GALNT9: variants seen among roughly 807,000 people sequenced by gnomAD.
The protein encoded by GALNT9 is GalNAc transferase 9.
A neutral mutation model predicts 63.1 loss-of-function variants in GALNT9; 47 were observed. The ratio of observed to expected loss-of-function variants is 0.75; its 90% CI spans 0.59 to 0.95. The LOEUF (loss-of-function observed/expected upper bound fraction) is 0.95, where lower values mean the gene tolerates loss of function less well. Ranked by LOEUF, GALNT9 falls within the 40% of genes least tolerant of loss-of-function variation. The pLI, the probability that GALNT9 is intolerant of heterozygous loss-of-function variation, is 0.00. For missense variants in GALNT9, 829 were observed against 874.8 expected, an observed-to-expected ratio of 0.95 and a Z score of 0.66; for synonymous variants, 396 against 365.7, an observed-to-expected ratio of 1.08 and a Z score of -0.94.
chr12:132,243,908 A>G (rs1555237767), intron 6 of GALNT9, among the ~76,000 whole-genome samples: 1 of 152,078 alleles, frequency 6.6e-6, no homozygotes, highest in Non-Finnish European at 1.5e-5. Context: ...ATTTTTTGGA[A>G]GAGTCCCGTG....
intron 6 of GALNT9, 183 bp downstream of exon 6, chr12:132,247,727 C>A: frequency 9.8e-7 from 1 of 1,024,256 alleles, no homozygotes; most frequent in Non-Finnish European, 1.4e-6. Context: ...CGGCCTCACT[C>A]GCCCTCACCC....
chr12:132,200,948 C>T (rs878967415), intron 8 of GALNT9, 176 bp downstream of exon 8: 6 of 610,558 alleles, frequency 9.8e-6, no homozygotes, highest in South Asian at 4.0e-5. Context: ...CGTGAATGCA[C>T]ACGTGTGTGC....
At chr12:132,210,814 G>T (rs1164651000) in intron 6 of GALNT9, among the ~76,000 whole-genome samples, 1 of 150,532 alleles carries the variant, frequency 6.6e-6, no homozygotes, top group East Asian at 1.9e-4. Flanking sequence ...TGCCATCTGG[G>T]TGGTCGCCGT....
At chr12:132,318,960 C>T (rs1868651498) in intron 1 of GALNT9, among the ~76,000 whole-genome samples, 1 of 152,244 alleles carries the variant, frequency 6.6e-6, no homozygotes, top group Admixed American at 6.5e-5. Context: ...GGCCTCCCGC[C>T]TTTCAGGGCC....
In GALNT9 at chr12:132,226,946, A is replaced by C. The variant is rs1255970782; in HGVS notation, c.1077+20964T>G. On this transcript the variant is annotated intron_variant, in intron 6 of 10. Coordinates refer to ENST00000328957, the MANE Select transcript of GALNT9 (RefSeq NM_001122636.2). Reference sequence around the variant, plus strand: ...ACCCCACACACTGTACACACCCCACATACACCCCATACACACTGTATACAC... The same window carrying C: ...ACCCCACACACTGTACACACCCCACCTACACCCCATACACACTGTATACAC... Among the ~76,000 whole-genome samples the C allele has an allele frequency of 4.5e-3, 656 of 145,086 alleles. 18 individuals carry two copies. The East Asian group carries it at 0.069, about 15-fold the overall frequency.
Position 132,319,628 on chromosome 12 carries a change from G to A in GALNT9, c.238+9338C>T, listed in dbSNP as rs1566024044. On this transcript the variant is annotated intron_variant, in intron 1 of 10. Transcript: ENST00000328957. The surrounding 1 kb of genome is among the most constrained non-coding windows in gnomAD (Gnocchi z 5.2). ...CTCCTTTCCTCGGGAGAGCCCTGAC[G>A]CACACACTAGCTGAGTTTGCTTTTC... 6.6e-6 allele frequency among the ~76,000 whole-genome samples: 1 copy of A among 152,160 alleles called. No individual in the cohort carries two copies. Among genetic ancestry groups the A allele is most frequent in the Admixed American group, 6.5e-5 (1 of 15,290 alleles).
At chr12:132,320,317 G>A (rs1451420698) in intron 1 of GALNT9, among the ~76,000 whole-genome samples, 2 of 152,214 alleles carry the variant, frequency 1.3e-5, no homozygotes, top group East Asian at 1.9e-4. Context: ...ATTCCGCCTC[G>A]AGGACGCGGG....
chr12:132,200,279 C>T (rs1201750305), intron 8 of GALNT9, among the ~76,000 whole-genome samples: 1 of 152,170 alleles, frequency 6.6e-6, no homozygotes, highest in South Asian at 2.1e-4. Context: ...GGGAGGCACC[C>T]CATCCCCTGC....
Position 132,201,036 on chromosome 12 carries a change from G to A in GALNT9, c.1401+88C>T, listed in dbSNP as rs1444513882. ...GCTACCTCTCCGTGTGCATGTGGAT[G>A]TGCCTGCATCACCCTGAATGCATAC... is the stretch of plus-strand genomic sequence containing the variant. On this transcript the variant is annotated intron_variant, in intron 8 of 10. Transcript: ENST00000328957. 4.7e-6 allele frequency: 6 copies of A among 1,282,332 alleles called. No individual in the cohort carries two copies. In the East Asian group the frequency reaches 7.1e-5, roughly 15 times the overall value. 79.4% of individuals were successfully genotyped at this position (1,282,332 alleles called of 1,614,324 possible).
rs1879369299 is a variant in GALNT9, at chr12:132,261,164, A to AG, written c.587-43dup. ...CTTTAGCACGCTGGCAGGTGCTGGCAGGCGCGGGGCCACCAAGACCCAAGG... is the reference window on the plus strand; with the variant it reads ...CTTTAGCACGCTGGCAGGTGCTGGCAGGGCGCGGGGCCACCAAGACCCAAGG... On this transcript the variant is annotated intron_variant, in intron 3 of 10. Coordinates refer to ENST00000328957, the MANE Select transcript of GALNT9 (RefSeq NM_001122636.2). 3.2e-5 allele frequency: 49 copies of AG among 1,543,688 alleles called. No homozygotes were observed. The South Asian group carries it at 5.7e-4, about 18-fold the overall frequency.
intron 1 of GALNT9, among the ~76,000 whole-genome samples, chr12:132,328,687 C>A (rs1555246695): frequency 6.6e-6 from 1 of 152,230 alleles, no homozygotes; most frequent in Non-Finnish European, 1.5e-5. Context: ...CAAAGATCCT[C>A]TGCAGAAGTT....
intron 8 of GALNT9, 103 bp downstream of exon 8, chr12:132,201,017 TCTCC>T: frequency 8.9e-7 from 1 of 1,122,854 alleles, no homozygotes; most frequent in Non-Finnish European, 1.3e-6. Context: ...AGGCGCTACC[TCTCC>T]GTGTGCATGT....
chr12:132,295,509 G>C (rs1881024402), intron 1 of GALNT9, among the ~76,000 whole-genome samples: 1 of 152,226 alleles, frequency 6.6e-6, no homozygotes, highest in Non-Finnish European at 1.5e-5. Context: ...TGGGCTCTGA[G>C]CCAAACATGG....
chr12:132,205,791 G>A (rs1329552707), intron 6 of GALNT9: 1 of 152,214 alleles, frequency 6.6e-6, no homozygotes, highest in African/African-American at 2.4e-5. Flanking sequence ...TTCCAGACTA[G>A]GGTCGGGATT....
intron 4 of GALNT9, among the ~76,000 whole-genome samples, chr12:132,259,370 C>T (rs1348697740): frequency 3.3e-5 from 5 of 152,312 alleles, no homozygotes; most frequent in South Asian, 2.1e-4. Flanking sequence ...CAGTGCACAA[C>T]GTGTGCGACT....
chr12:132,222,304 G>A (rs528658632), intron 6 of GALNT9, among the ~76,000 whole-genome samples: 3 of 152,280 alleles, frequency 2.0e-5, no homozygotes, highest in South Asian at 2.1e-4. Flanking sequence ...CAGGCCAGGC[G>A]CAGTGGCTCA....
intron 1 of GALNT9, among the ~76,000 whole-genome samples, chr12:132,295,489 G>A (rs545756483): frequency 3.9e-5 from 6 of 152,342 alleles, no homozygotes; most frequent in Admixed American, 6.5e-5. Flanking sequence ...GAGGTAGTGC[G>A]GGAGTCGGGT....
At chr12:132,201,656 G>GGT (rs1442849031) in intron 7 of GALNT9, among the ~76,000 whole-genome samples, 1 of 152,138 alleles carries the variant, frequency 6.6e-6, no homozygotes, top group African/African-American at 2.4e-5. Context: ...AGACCAGCCT[G>GGT]GTGAGGACCC....
intron 2 of GALNT9, among the ~76,000 whole-genome samples, chr12:132,285,472 G>A (rs537128111): frequency 5.9e-5 from 9 of 152,384 alleles, no homozygotes; most frequent in South Asian, 4.1e-4. Flanking sequence ...GAGGGTCAGC[G>A]ACCAAGCTCC....
Sources: allele counts gnomAD v4.1 joint callset (sites outside exome capture counted in the v4.1 genomes callset), GRCh38; gene constraint gnomAD v4.1.1; non-coding constraint Gnocchi (gnomAD v3.1); transcripts MANE v1.5; gene names NCBI Gene and HGNC (gene_info 2026-07-23, HGNC 2026-07-21).